Variants in RNH1 observed in about 807,000 individuals in gnomAD.
RNH1 encodes the protein ribonuclease/angiogenin inhibitor 1.
Under a neutral mutation model 46.1 loss-of-function variants are expected in RNH1, and 38 were observed. That is an observed-to-expected ratio of 0.82 (90% CI 0.64 to 1.08). The LOEUF is 1.08. Ranked by LOEUF, RNH1 falls within the 50% of genes least tolerant of loss-of-function variation. RNH1 has a pLI of 0.00. For synonymous variants in RNH1, 319 were observed against 279.1 expected (o/e 1.14, Z -1.43); for missense variants, 577 against 590.7 (o/e 0.98, Z 0.24).
At chr11:506,386 T>C (rs548746120) in intron 1 of RNH1, 2 of 152,322 alleles carry the variant, frequency 1.3e-5, no homozygotes, top group African/African-American at 4.8e-5. Context: ...CCTCGCCCAG[T>C]AACACGACGT....
chr11:500,174 T>C, intron 4 of RNH1, 175 bp from the exon 5 acceptor site: 1 of 756,922 alleles, frequency 1.3e-6, no homozygotes, highest in South Asian at 1.9e-5. Context: ...AGGGCACGCA[T>C]GTGGCTCGAC....
At chr11:499,771 G>A (rs1849569737) in intron 5 of RNH1, 58 bp downstream of exon 5, 3 of 1,570,380 alleles carry the variant, frequency 1.9e-6, no homozygotes, top group Admixed American at 3.4e-5. Context: ...CTATGTAGGG[G>A]GCTGGCTGGG....
Position 502,241 on chromosome 11 carries a change from C to T in RNH1, c.-79G>A, listed in dbSNP as rs1849814358. The stretch of plus-strand genomic sequence containing the variant: ...CCGAATCCCCTCACAGTTTCACAGG[C>T]CGGAGATTCTGCAAACAGGACCCAC... On this transcript the variant is annotated 5_prime_UTR_variant, in exon 3 of 11. Transcript: ENST00000354420. The surrounding 1 kb of genome is among the most constrained non-coding windows in gnomAD (Gnocchi z 5.8). The T allele has an allele frequency of 8.5e-7, 1 of 1,179,336 alleles. No individual in the cohort carries two copies. Among genetic ancestry groups the T allele is most frequent in the African/African-American group, 1.5e-5 (1 of 66,008 alleles). The allele number at this position is 1,179,336 out of a possible 1,614,324, so 73.1% of individuals were successfully genotyped here. A position where few individuals can be genotyped will look rare whatever the true frequency, so the allele number is the denominator to read the frequency against.
At chr11:506,225 G>C (rs527374093) in intron 1 of RNH1, 4 of 152,180 alleles carry the variant, frequency 2.6e-5, no homozygotes, top group South Asian at 2.1e-4. Flanking sequence ...GACGACACTT[G>C]AGACCGTTTT....
At position 501,859 on chromosome 11, in the gene RNH1, TG is replaced by T; in HGVS notation, c.101+202del. 1 of 588,748 alleles carries T rather than the reference TG, an allele frequency of 1.7e-6. No homozygotes were observed. Among genetic ancestry groups the T allele is most frequent in the Non-Finnish European group, 3.0e-6 (1 of 328,492 alleles). 36.5% of individuals were successfully genotyped at this position (588,748 alleles called of 1,614,324 possible). ...TCGGCCCGCCCACCTCAGCCCATGC[TG>T]CATGAGCCTGGAATGGGTTTTACAT... is the stretch of plus-strand genomic sequence containing the variant. On this transcript the variant is annotated intron_variant, in intron 3 of 10. Coordinates refer to ENST00000354420, the MANE Select transcript of RNH1 (RefSeq NM_203387.3). The surrounding 1 kb of genome is among the most constrained non-coding windows in gnomAD (Gnocchi z 4.1).
rs1212674554 is a variant in RNH1 at position 494,882 on chromosome 11, C to A, written c.1298+1G>T. ...ACCACCCGCCCAGCGCGTGCACATA[C>A]ACCAGCTGCTCCAGGAGGCAGCCCG... On this transcript the variant is annotated splice_donor_variant, in intron 10 of 10. Transcript: ENST00000354420. LOFTEE classifies it high-confidence loss of function. 1 of 1,612,130 alleles carries A rather than the reference C, an allele frequency of 6.2e-7. No homozygotes were observed. Among genetic ancestry groups the A allele is most frequent in the Non-Finnish European group, 8.5e-7 (1 of 1,179,498 alleles).
At chr11:498,652 C>T in intron 7 of RNH1, 25 bp from the exon 8 acceptor site, 3 of 1,610,072 alleles carry the variant, frequency 1.9e-6, no homozygotes, top group South Asian at 2.2e-5. Context: ...CCACCACAGA[C>T]TTTCCTCAGC....
chr11:495,046 C>T lies in RNH1; in HGVS notation c.1135G>A (p.Asp379Asn), dbSNP rs575315078. ...CAGCTGCTGTCACTCACATCGCAGT[C>T]GGCCAACCTGGGTGAAGCAGGGCGG... is the stretch of plus-strand genomic sequence containing the variant. ...GSVLRVLWLA[D>N]CDVSDSSCSS... The change falls in exon 10 of 11, where the codon GAC becomes AAC. Residue 379 changes from aspartate (D) to asparagine (N), a missense_variant. Physicochemically the swap from Asp to Asn is conservative, Grantham distance 23. Coordinates refer to ENST00000354420, the MANE Select transcript of RNH1 (RefSeq NM_203387.3). The T allele has an allele frequency of 2.5e-5, 40 of 1,604,390 alleles. No individual in the cohort carries two copies. The highest frequency in any genetic ancestry group is 5.1e-5 in the Admixed American group (3 of 58,602).
rs1279096817 is a variant in RNH1, at chr11:498,792, G to A, written c.756C>T (p.Leu252=). ...VGMAELCPGL[L]HPSSRLRTLW... is the part of the protein sequence containing the mutation. Reference sequence around the variant, plus strand: ...GGGTCCTGAGCCTGGAGCTGGGGTGGAGCAGCCCTGGGCACAGCTCCGCCA... The same window carrying A: ...GGGTCCTGAGCCTGGAGCTGGGGTGAAGCAGCCCTGGGCACAGCTCCGCCA... Residue 252 remains leucine, a synonymous_variant, in exon 7 of 11, where the codon CTC becomes CTT. Coordinates refer to ENST00000354420, the MANE Select transcript of RNH1 (RefSeq NM_203387.3). 6.2e-7 allele frequency: 1 copy of A among 1,605,316 alleles called. No individual in the cohort carries two copies. The highest frequency in any genetic ancestry group is 8.5e-7 in the Non-Finnish European group (1 of 1,179,198).
Position 500,002 on chromosome 11 carries a change from G to A in RNH1, c.273-3C>T. 6.5e-7 allele frequency: 1 copy of A among 1,550,162 alleles called. No homozygotes were observed. Among genetic ancestry groups the A allele is most frequent in the Non-Finnish European group, 8.7e-7 (1 of 1,149,598 alleles). On this transcript the variant is annotated splice_region_variant and splice_polypyrimidine_tract_variant and intron_variant, in intron 4 of 10. Coordinates refer to ENST00000354420, the MANE Select transcript of RNH1 (RefSeq NM_203387.3). ...CCGTCAGGCAGCAGTTCTGGAGGCT[G>A]GAGCATACCTGGCTGTCAGCAGGGC... is the stretch of plus-strand genomic sequence containing the variant.
rs1427171002 is a variant in RNH1, at chr11:502,911, G to T, written c.-87-662C>A. ...GGGATGGGCACAGCTGCTACACCCT[G>T]AAGCCTCCCCAGGCACAGGCCCTGA... On this transcript the variant is annotated intron_variant, in intron 2 of 10. Transcript: ENST00000354420. This position sits in a 1 kb window ranked among gnomAD's most constrained non-coding sequence, Gnocchi z 5.8. 8 of 152,470 alleles carry T rather than the reference G, an allele frequency of 5.2e-5. No individual in the cohort carries two copies. Among genetic ancestry groups the T allele is most frequent in the Admixed American group, 5.2e-4 (8 of 15,290 alleles). 9.4% of individuals were successfully genotyped at this position (152,470 alleles called of 1,614,324 possible).
chr11:497,087 CT>C (rs1164050819), intron 9 of RNH1, among the ~76,000 whole-genome samples: 7 of 151,212 alleles, frequency 4.6e-5, no homozygotes, highest in African/African-American at 1.5e-4. Flanking sequence ...CTCGTGCTCA[CT>C]CTCGCCCATG....
In RNH1 at chr11:498,863, G is replaced by T; in HGVS notation, c.685C>A (p.Leu229Met). 6.2e-7 allele frequency: 1 copy of T among 1,612,122 alleles called. No individual in the cohort carries two copies. Among genetic ancestry groups the T allele is most frequent in the Non-Finnish European group, 8.5e-7 (1 of 1,179,786 alleles). Reference sequence around the variant, plus strand: ...TTGCTGCCCAGGGCCAGCTCCCGCAGCGAGGCCTTGGAGGCCACAATGCCG... The same window carrying T: ...TTGCTGCCCAGGGCCAGCTCCCGCATCGAGGCCTTGGAGGCCACAATGCCG... ...LCGIVASKASLRELALGSNKL... is the reference protein window; with the variant it reads ...LCGIVASKASMRELALGSNKL... Residue 229 changes from leucine (L) to methionine (M), a missense_variant, in exon 7 of 11, where the codon CTG (leucine) becomes ATG (methionine). By Grantham distance (15) the Leu-to-Met change is conservative. Coordinates refer to ENST00000354420, the MANE Select transcript of RNH1 (RefSeq NM_203387.3).
At chr11:495,547 C>T (rs1848980256) in intron 9 of RNH1, among the ~76,000 whole-genome samples, 1 of 152,210 alleles carries the variant, frequency 6.6e-6, no homozygotes. Flanking sequence ...ACACCCACTT[C>T]CCGGGGTGGA....
At chr11:496,245 C>T (rs1298060332) in intron 9 of RNH1, among the ~76,000 whole-genome samples, 3 of 152,182 alleles carry the variant, frequency 2.0e-5, no homozygotes, top group Non-Finnish European at 2.9e-5. Context: ...AAAAGCAGAT[C>T]GTGCACACAA....
chr11:499,382 C>T, intron 5 of RNH1, 197 bp from the exon 6 acceptor site: 1 of 670,594 alleles, frequency 1.5e-6, no homozygotes, highest in South Asian at 1.7e-5. Flanking sequence ...TCTGGAAACC[C>T]CTCACCCCCT....
rs775162778 is a variant in RNH1, at chr11:498,837, G to A, written c.711C>T (p.Asn237=). The A allele has an allele frequency of 1.5e-5, 24 of 1,610,930 alleles. No individual in the cohort carries two copies. Among genetic ancestry groups the A allele is most frequent in the Non-Finnish European group, 1.9e-5 (22 of 1,179,658 alleles). ...CCGCCATGCCCACATCACCCAGCTT[G>A]TTGCTGCCCAGGGCCAGCTCCCGCA... ...ASLRELALGS[N]KLGDVGMAEL... Residue 237 remains asparagine (N), a synonymous_variant, in exon 7 of 11, where the codon AAC becomes AAT. Transcript: ENST00000354420.
chr11:497,247 T>TCGTGCTCCCTCTCGCC (rs1849196525), intron 9 of RNH1, among the ~76,000 whole-genome samples: 1 of 129,330 alleles, frequency 7.7e-6, no homozygotes, highest in African/African-American at 3.1e-5. Context: ...ACACGGACAC[T>TCGTGCTCCCTCTCGCC]CATGCTCACT....
intron 9 of RNH1, among the ~76,000 whole-genome samples, chr11:496,861 C>T (rs772308033): frequency 5.0e-4 from 76 of 152,346 alleles, no homozygotes; most frequent in Non-Finnish European, 8.8e-4. Flanking sequence ...GCGGGGTTCC[C>T]GCAAGGGAGA....
Sources: gnomAD v4.1 joint callset for allele counts (sites outside exome capture counted in the v4.1 genomes callset) on GRCh38, gnomAD v4.1.1 for gene constraint, Gnocchi (gnomAD v3.1) non-coding constraint, MANE v1.5 for transcripts, NCBI Gene and HGNC (gene_info 2026-07-23, HGNC 2026-07-21) for gene names.